Variants in LRP1B observed in about 807,000 individuals in gnomAD.
LRP1B encodes LDL receptor related protein 1B, also known as low-density lipoprotein receptor-related protein 1B.
A neutral mutation model predicts 556.6 loss-of-function variants in LRP1B; 217 were observed. The observed-to-expected ratio is 0.39, with a 90% CI of 0.35 to 0.44. The LOEUF (loss-of-function observed/expected upper bound fraction) is 0.44, where lower values mean the gene tolerates loss of function less well. Among genes scored for constraint, LRP1B ranks in the 20% least tolerant of loss-of-function variants. The pLI is 1.00. For synonymous variants in LRP1B, 2,047 were observed against 1,865.8 expected (o/e 1.10, Z -2.50); for missense variants, 5,053 against 5,620.8 (o/e 0.90, Z 3.23).
At chr2:141,649,343 T>C (rs1471845011) in intron 2 of LRP1B, among the ~76,000 whole-genome samples, 2 of 152,186 alleles carry the variant, frequency 1.3e-5, no homozygotes, top group African/African-American at 4.8e-5. Context: ...GAAAATCCCA[T>C]TGTTCTTAGC....
rs756120273 is a variant in LRP1B at position 140,789,618 on chromosome 2, C to CTTTTTTTTTTT, written c.5360-13391_5360-13381dup. ...GCCAAGCACGATCTAGCTTTAAGGACTTTTTTTTTTTTTTTTTTTTTTTTT... is the reference window on the plus strand; with the variant it reads ...GCCAAGCACGATCTAGCTTTAAGGACTTTTTTTTTTTTTTTTTTTTTTTTTTTTTTTTTTTT... On this transcript the variant is annotated intron_variant, in intron 32 of 90. Transcript: ENST00000389484. 7.4e-4 allele frequency among the ~76,000 whole-genome samples: 53 copies of CTTTTTTTTTTT among 71,764 alleles called. 10 individuals are homozygous for CTTTTTTTTTTT. Among genetic ancestry groups the CTTTTTTTTTTT allele is most frequent in the Non-Finnish European group, 1.2e-3 (47 of 38,138 alleles). 47.1% of individuals were successfully genotyped at this position (71,764 alleles called of 152,430 possible). A position where few individuals can be genotyped will look rare whatever the true frequency, so the allele number is the denominator to read the frequency against.
chr2:140,309,349 G>T (rs945057346), intron 83 of LRP1B, among the ~76,000 whole-genome samples: 4 of 151,662 alleles, frequency 2.6e-5, no homozygotes, highest in African/African-American at 9.7e-5. Flanking sequence ...CTTCTAGAAG[G>T]TTTATTTTCA....
At chr2:141,918,320 G>A (rs1017400646) in intron 1 of LRP1B, among the ~76,000 whole-genome samples, 1 of 151,844 alleles carries the variant, frequency 6.6e-6, no homozygotes, top group African/African-American at 2.4e-5. Context: ...TCATGACATA[G>A]CAAATATACT....
chr2:141,911,409 T>C (rs1699905132), intron 1 of LRP1B, among the ~76,000 whole-genome samples: 1 of 152,210 alleles, frequency 6.6e-6, no homozygotes, highest in Non-Finnish European at 1.5e-5. Flanking sequence ...AATAGGCTGA[T>C]AGCCTCCATA....
At chr2:141,488,894 A>G (rs12151669) in intron 2 of LRP1B, among the ~76,000 whole-genome samples, 54,199 of 152,040 alleles carry the variant, frequency 0.36, 11,130 homozygotes, top group East Asian at 0.64. Flanking sequence ...GTGTCATTAT[A>G]ACTAAGTTAT....
At position 141,013,627 on chromosome 2, in the gene LRP1B, T is replaced by A. The variant is rs2105385517; in HGVS notation, c.2309A>T (p.Glu770Val). ...SIFQLDLITS[E>V]VTLLRHERPP... Reference sequence around the variant, plus strand: ...TCTTTCATGCCTCAGCAATGTCACCTCACTTGTTATCAAATCTAGTTGAAA... The same window carrying A: ...TCTTTCATGCCTCAGCAATGTCACCACACTTGTTATCAAATCTAGTTGAAA... The change falls in exon 14 of 91, where the codon GAG (glutamate) becomes GTG (valine). Residue 770 changes from glutamate (E) to valine (V), a missense_variant. Coordinates refer to ENST00000389484, the MANE Select transcript of LRP1B (RefSeq NM_018557.3). The A allele has an allele frequency of 6.2e-7, 1 of 1,612,582 alleles. No homozygotes were observed. Among genetic ancestry groups the A allele is most frequent in the Non-Finnish European group, 8.5e-7 (1 of 1,179,126 alleles).
At chr2:140,774,953 G>T (rs755011291) in intron 33 of LRP1B, among the ~76,000 whole-genome samples, 27 of 152,004 alleles carry the variant, frequency 1.8e-4, no homozygotes, top group Admixed American at 3.9e-4. Flanking sequence ...ACATTCTCTT[G>T]GGTGCACATA....
intron 3 of LRP1B, among the ~76,000 whole-genome samples, chr2:141,377,587 G>A (rs78500618): frequency 0.035 from 5,270 of 151,786 alleles, 316 homozygotes; most frequent in African/African-American, 0.12. Context: ...ATTCACTGTT[G>A]GATATGCAAC....
chr2:140,583,171 C>CTTTTCTTTTTTTTTTTTTTTTTTT (rs1553491151), intron 43 of LRP1B, among the ~76,000 whole-genome samples: 17 of 48,044 alleles, frequency 3.5e-4, no homozygotes, highest in African/African-American at 1.0e-3. Flanking sequence ...CCTTTTTTTT[C>CTTTTCTTTTTTTTTTTTTTTTTTT]TTTTTTTTTT....
intron 23 of LRP1B, among the ~76,000 whole-genome samples, chr2:140,900,734 A>AAGAT (rs1459452523): frequency 1.3e-5 from 2 of 152,172 alleles, no homozygotes; most frequent in Non-Finnish European, 2.9e-5. Context: ...AAGAAATAAG[A>AAGAT]AGATATCTAA....
rs1160018758 is a variant in LRP1B at position 141,467,091 on chromosome 2, CATATATATGTGTATATATATAT to C, written c.343+13283_343+13304del. 8.0e-3 allele frequency among the ~76,000 whole-genome samples: 863 copies of C among 108,222 alleles called. 42 individuals carry two copies. Among genetic ancestry groups the C allele is most frequent in the African/African-American group, 0.026 (730 of 27,948 alleles). 71.0% of individuals were successfully genotyped at this position (108,222 alleles called of 152,430 possible). Reference sequence around the variant, plus strand: ...GGATATATATATACACACACACACACATATATATGTGTATATATATATATATATATATCTATATATATATATA... The same window carrying C: ...GGATATATATATACACACACACACACATATATATATCTATATATATATATA... On this transcript the variant is annotated intron_variant, in intron 3 of 90. Transcript: ENST00000389484.
At chr2:140,796,590 G>T (rs1193091505) in intron 32 of LRP1B, among the ~76,000 whole-genome samples, 1 of 151,994 alleles carries the variant, frequency 6.6e-6, no homozygotes, top group Non-Finnish European at 1.5e-5. Flanking sequence ...TTCATATATT[G>T]CTGTTACTTT....
intron 2 of LRP1B, among the ~76,000 whole-genome samples, chr2:141,570,296 G>T (rs529516816): frequency 2.0e-5 from 3 of 150,802 alleles, no homozygotes; most frequent in African/African-American, 7.3e-5. Context: ...GTAGTGTGAC[G>T]GCCCACCTGA....
At chr2:141,068,152 T>C (rs1355822376) in intron 7 of LRP1B, among the ~76,000 whole-genome samples, 1 of 152,032 alleles carries the variant, frequency 6.6e-6, no homozygotes, top group Non-Finnish European at 1.5e-5. Context: ...AAAATTGTGT[T>C]CTAAAGATTT....
intron 1 of LRP1B, among the ~76,000 whole-genome samples, chr2:142,035,246 C>T (rs1012787891): frequency 1.3e-5 from 2 of 151,648 alleles, no homozygotes; most frequent in African/African-American, 4.8e-5. Context: ...CCCTTAAGAA[C>T]TTCCTCCCAC....
intron 7 of LRP1B, among the ~76,000 whole-genome samples, chr2:141,133,088 C>A (rs1312661032): frequency 6.6e-6 from 1 of 151,972 alleles, no homozygotes; most frequent in Non-Finnish European, 1.5e-5. Flanking sequence ...TTATGTATCA[C>A]CAACTTTGAA....
intron 27 of LRP1B, among the ~76,000 whole-genome samples, chr2:140,866,897 G>C (rs1466882753): frequency 6.6e-6 from 1 of 152,024 alleles, no homozygotes; most frequent in Admixed American, 6.6e-5. Flanking sequence ...AAGAGAAGGA[G>C]AAGATGCAAG....
At chr2:141,053,942 G>A (rs1699110143) in intron 10 of LRP1B, among the ~76,000 whole-genome samples, 1 of 151,700 alleles carries the variant, frequency 6.6e-6, no homozygotes, top group Admixed American at 6.6e-5. Flanking sequence ...TTATCATGAG[G>A]CTTCAAACTC....
chr2:142,093,823 A>G (rs1476087333), intron 1 of LRP1B, among the ~76,000 whole-genome samples: 1 of 152,108 alleles, frequency 6.6e-6, no homozygotes, highest in Non-Finnish European at 1.5e-5. Context: ...GAAGAATTTA[A>G]AAGTGGCTTT....
Sources: allele counts gnomAD v4.1 joint callset (sites outside exome capture counted in the v4.1 genomes callset), GRCh38; gene constraint gnomAD v4.1.1; transcripts MANE v1.5; gene names NCBI Gene and HGNC (gene_info 2026-07-23, HGNC 2026-07-21).